GPC4: variants seen among roughly 807,000 people sequenced by gnomAD.
GPC4 encodes the protein glypican-4.
GPC4 carries 10 observed loss-of-function variants against 35.0 expected under a neutral mutation model. The observed-to-expected ratio is 0.29, with a 90% CI of 0.18 to 0.48. The LOEUF is 0.48. Ranked by LOEUF, GPC4 falls within the 20% of genes least tolerant of loss-of-function variation. GPC4 has a pLI of 0.99. For synonymous variants in GPC4, 167 were observed against 170.2 expected (o/e 0.98, Z 0.15); for missense variants, 322 against 451.3 (o/e 0.71, Z 2.60).
At position 133,357,201 on chromosome X, in the gene GPC4, T is replaced by C. The variant is rs184308820; in HGVS notation, c.161-17860A>G. On this transcript the variant is annotated intron_variant, in intron 1 of 8. Transcript: ENST00000370828. ...GAGTTCGAGACCAGTCTGGGCAACA[T>C]GGCAAAACCCTGTCTCTACTAAAAG... Among the ~76,000 whole-genome samples the C allele has an allele frequency of 4.0e-4, 44 of 109,067 alleles. 1 individual carries two copies. Among genetic ancestry groups the C allele is most frequent in the African/African-American group, 1.4e-3 (43 of 30,037 alleles). 94.7% of individuals were successfully genotyped at this position (109,067 alleles called of 115,157 possible). A position where few individuals can be genotyped will look rare whatever the true frequency, so the allele number is the denominator to read the frequency against.
chrX:133,411,348 C>T (rs35213942), intron 1 of GPC4, among the ~76,000 whole-genome samples: 1 of 112,459 alleles, frequency 8.9e-6, no homozygotes, highest in Non-Finnish European at 1.9e-5. Flanking sequence ...AAAACAATTT[C>T]AACATAGATG....
At chrX:133,318,824 C>G (rs2124115488) in intron 3 of GPC4, among the ~76,000 whole-genome samples, 1 of 111,864 alleles carries the variant, frequency 8.9e-6, no homozygotes, top group East Asian at 2.8e-4. Flanking sequence ...TACTCTTGAA[C>G]CACCTGTTAC....
chrX:133,390,574 A>G (rs1203921087), intron 1 of GPC4, among the ~76,000 whole-genome samples: 1 of 112,218 alleles, frequency 8.9e-6, no homozygotes, highest in Non-Finnish European at 1.9e-5. Context: ...ACAGAATGAC[A>G]GCTGACAGCA....
intron 1 of GPC4, among the ~76,000 whole-genome samples, chrX:133,393,067 G>A (rs1428935197): frequency 8.9e-6 from 1 of 111,931 alleles, no homozygotes; most frequent in Non-Finnish European, 1.9e-5. Context: ...ACTGAATTAA[G>A]CCATTTCACA....
At chrX:133,413,112 A>C (rs1156434882) in intron 1 of GPC4, among the ~76,000 whole-genome samples, 1 of 112,432 alleles carries the variant, frequency 8.9e-6, no homozygotes, top group African/African-American at 3.2e-5. Context: ...CCCAAGCTTC[A>C]GCGGCTGGTG....
At chrX:133,318,625 G>T (rs1286318261) in intron 3 of GPC4, among the ~76,000 whole-genome samples, 1 of 111,939 alleles carries the variant, frequency 8.9e-6, no homozygotes, top group Non-Finnish European at 1.9e-5. Flanking sequence ...CCATGAGAAT[G>T]CAACTCTCTT....
At chrX:133,342,015 G>A (rs192597239) in intron 1 of GPC4, among the ~76,000 whole-genome samples, 40 of 104,494 alleles carry the variant, frequency 3.8e-4, no homozygotes, top group Non-Finnish European at 6.0e-4. Context: ...ACTGGGGCAC[G>A]TCTTTGTTTT....
At chrX:133,414,337 G>C (rs1354472546) in intron 1 of GPC4, 1 of 272,642 alleles carries the variant, frequency 3.7e-6, no homozygotes, top group Non-Finnish European at 4.9e-6. Flanking sequence ...GCTCCGGGAC[G>C]TTTCCCTCCA....
chrX:133,401,086 G>T (rs1206447849), intron 1 of GPC4, among the ~76,000 whole-genome samples: 1 of 111,276 alleles, frequency 9.0e-6, no homozygotes, highest in Non-Finnish European at 1.9e-5. Flanking sequence ...AACGTGCCTG[G>T]TGTGCTTGAA....
intron 1 of GPC4, among the ~76,000 whole-genome samples, chrX:133,343,456 AG>A (rs1410874805): frequency 3.6e-5 from 4 of 111,981 alleles, no homozygotes; most frequent in Non-Finnish European, 5.6e-5. Context: ...ATGAAACTGA[AG>A]GGTTTTTTTA....
chrX:133,304,088 T>C (rs1483780592), intron 7 of GPC4, among the ~76,000 whole-genome samples: 1 of 105,856 alleles, frequency 9.4e-6, no homozygotes, highest in African/African-American at 3.5e-5. Context: ...GGTCAGGAGA[T>C]CAAGACCATC....
At chrX:133,391,470 C>T (rs2068719234) in intron 1 of GPC4, among the ~76,000 whole-genome samples, 1 of 112,156 alleles carries the variant, frequency 8.9e-6, no homozygotes, top group Admixed American at 9.5e-5. Context: ...ATCCCAAATC[C>T]TTTTAGTTCT....
rs780160630 is a variant in GPC4 at position 133,304,805 on chromosome X, C to T, written c.1212G>A (p.Pro404=). The change falls in exon 7 of 9, where the codon CCG becomes CCA. Residue 404 remains proline (P), a synonymous_variant. Coordinates refer to ENST00000370828, the MANE Select transcript of GPC4 (RefSeq NM_001448.3). The part of the protein sequence containing the change: ...KQAKKFWSSL[P]SNVCNDERMA... ...TCCTCTCATCGTTGCAAACGTTGCT[C>T]GGAAGGGAGGACCAGAATTTCTTGG... 6.6e-6 allele frequency: 8 copies of T among 1,208,963 alleles called. No individual in the cohort carries two copies. Among genetic ancestry groups the T allele is most frequent in the African/African-American group, 3.5e-5 (2 of 57,031 alleles).
intron 2 of GPC4, among the ~76,000 whole-genome samples, chrX:133,335,539 A>G (rs757705142): frequency 1.3e-4 from 14 of 111,447 alleles, no homozygotes; most frequent in African/African-American, 4.6e-4. Context: ...TGTGCAAACG[A>G]TAGGAAATTA....
chrX:133,345,565 A>C (rs2068488648), intron 1 of GPC4, among the ~76,000 whole-genome samples: 1 of 112,356 alleles, frequency 8.9e-6, no homozygotes, highest in African/African-American at 3.2e-5. Flanking sequence ...CTCTTGCACC[A>C]ATCACAGGTG....
At chrX:133,394,289 T>G (rs1190842664) in intron 1 of GPC4, among the ~76,000 whole-genome samples, 1 of 109,838 alleles carries the variant, frequency 9.1e-6, no homozygotes, top group Non-Finnish European at 1.9e-5. Context: ...TATATATATA[T>G]ATGTATATAT....
At chrX:133,336,972 C>T (rs2068447078) in intron 2 of GPC4, among the ~76,000 whole-genome samples, 1 of 110,557 alleles carries the variant, frequency 9.0e-6, no homozygotes, top group African/African-American at 3.3e-5. Flanking sequence ...GCGCACACCA[C>T]CACTCCTGGC....
intron 1 of GPC4, among the ~76,000 whole-genome samples, chrX:133,377,877 C>CTTTTTTTTTTCTTTTT (rs2068641616): frequency 9.8e-4 from 84 of 86,091 alleles, no homozygotes; most frequent in East Asian, 3.3e-3. Context: ...TTTTCTTTTT[C>CTTTTTTTTTTCTTTTT]TTTTTTTTTT....
At chrX:133,332,760 T>C (rs992984463) in intron 2 of GPC4, among the ~76,000 whole-genome samples, 1 of 112,152 alleles carries the variant, frequency 8.9e-6, no homozygotes. Context: ...AGTGTAATCA[T>C]TGTGGGGCAT....
Sources: gnomAD v4.1 joint callset for allele counts (sites outside exome capture counted in the v4.1 genomes callset) on GRCh38, gnomAD v4.1.1 for gene constraint, MANE v1.5 for transcripts, NCBI Gene and HGNC (gene_info 2026-07-23, HGNC 2026-07-21) for gene names.